The following PHKA1 variants were observed in gnomAD, a reference collection of about 807,000 sequenced individuals.
PHKA1 encodes the protein phosphorylase b kinase regulatory subunit alpha, skeletal muscle isoform.
Under a neutral mutation model 110.2 loss-of-function variants are expected in PHKA1, and 60 were observed. That is an observed-to-expected ratio of 0.54 (90% CI 0.44 to 0.68). The LOEUF is 0.68. PHKA1 is among the 30% of genes least tolerant of loss of function. PHKA1 has a pLI of 0.00. For synonymous variants in PHKA1, 316 were observed against 333.6 expected (o/e 0.95, Z 0.58); for missense variants, 801 against 942.5 (o/e 0.85, Z 1.97).
chrX:72,701,704 G>A (rs1310017124), intron 3 of PHKA1, among the ~76,000 whole-genome samples: 1 of 111,708 alleles, frequency 9.0e-6, no homozygotes, highest in Non-Finnish European at 1.9e-5. Context: ...GGGTGACAGA[G>A]CAAGACTCCA....
intron 5 of PHKA1, 127 bp downstream of exon 5, chrX:72,684,371 A>G (rs1556318061): frequency 1.2e-5 from 6 of 500,450 alleles, no homozygotes; most frequent in Non-Finnish European, 2.1e-5. Flanking sequence ...GCTAAAGACA[A>G]TTTCTGCCAG....
At chrX:72,713,346 A>G (rs1049196037) in intron 1 of PHKA1, among the ~76,000 whole-genome samples, 10 of 111,165 alleles carry the variant, frequency 9.0e-5, no homozygotes, top group African/African-American at 3.3e-4. Flanking sequence ...GCTGCTGTAC[A>G]TCAGATCCCC....
chrX:72,686,541 C>T (rs964031999), intron 4 of PHKA1, among the ~76,000 whole-genome samples: 1 of 111,926 alleles, frequency 8.9e-6, no homozygotes. Context: ...AAGGACATTT[C>T]GGTTGTATCA....
At chrX:72,618,164 A>C (rs1446621113) in intron 21 of PHKA1, among the ~76,000 whole-genome samples, 1 of 111,817 alleles carries the variant, frequency 8.9e-6, no homozygotes, top group Non-Finnish European at 1.9e-5. Context: ...AAGAAAGTCC[A>C]TCCTGCCTCT....
intron 4 of PHKA1, among the ~76,000 whole-genome samples, chrX:72,689,370 C>T (rs978960606): frequency 9.0e-6 from 1 of 111,578 alleles, no homozygotes; most frequent in Non-Finnish European, 1.9e-5. Context: ...TAATCTACTT[C>T]TTGTCTCTAT....
rs2052349213 is a variant in PHKA1, at chrX:72,582,326, T to C, written c.3498+72A>G. On this transcript the variant is annotated intron_variant, in intron 31 of 31. Coordinates refer to ENST00000373542, the MANE Select transcript of PHKA1 (RefSeq NM_002637.4). Reference sequence around the variant, plus strand: ...GGCACAAGAAAGTGACCGTGGCTCCTCAAAGACCTCTGAATGTCATCAGGT... The same window carrying C: ...GGCACAAGAAAGTGACCGTGGCTCCCCAAAGACCTCTGAATGTCATCAGGT... The C allele has an allele frequency of 1.5e-5, 12 of 787,229 alleles. No homozygotes were observed. The South Asian group carries it at 2.3e-4, about 15-fold the overall frequency. 64.9% of individuals were successfully genotyped at this position (787,229 alleles called of 1,213,427 possible). A position where few individuals can be genotyped will look rare whatever the true frequency, so the allele number is the denominator to read the frequency against.
rs1272228707 is a variant in PHKA1, at chrX:72,604,192, T to C, written c.2816-972A>G. 9.9e-5 allele frequency among the ~76,000 whole-genome samples: 11 copies of C among 111,003 alleles called. 1 individual carries two copies. The highest frequency in any genetic ancestry group is 6.5e-5 in the African/African-American group (2 of 30,615). On this transcript the variant is annotated intron_variant, in intron 25 of 31. Coordinates refer to ENST00000373542, the MANE Select transcript of PHKA1 (RefSeq NM_002637.4). ...CATTATACTATATAATGTTTATCTA[T>C]AACAATGTACTGAACTAGAAATCAT...
At chrX:72,713,697 CACA>C (rs2054419074) in intron 1 of PHKA1, 103 bp downstream of exon 1, 7 of 616,404 alleles carry the variant, frequency 1.1e-5, no homozygotes, top group African/African-American at 4.5e-5. Context: ...CACACACACA[CACA>C]CCCACACACG....
intron 14 of PHKA1, among the ~76,000 whole-genome samples, chrX:72,642,622 G>A (rs1556295989): frequency 1.8e-5 from 2 of 110,749 alleles, no homozygotes; most frequent in African/African-American, 6.6e-5. Flanking sequence ...CAGGAAGCAG[G>A]TTCTGGGAAG....
At chrX:72,605,242 C>G in intron 25 of PHKA1, 29 bp downstream of exon 25, 1 of 1,158,629 alleles carries the variant, frequency 8.6e-7, no homozygotes, top group South Asian at 1.8e-5. Flanking sequence ...AAAGTGAATT[C>G]CACCTAAAAT....
At chrX:72,713,444 G>A (rs2054413580) in intron 1 of PHKA1, among the ~76,000 whole-genome samples, 1 of 111,054 alleles carries the variant, frequency 9.0e-6, no homozygotes, top group East Asian at 2.8e-4. Flanking sequence ...AGCCTTTCGA[G>A]TCTGAAATGT....
At chrX:72,650,171 T>C (rs1250230696) in intron 13 of PHKA1, among the ~76,000 whole-genome samples, 1 of 111,531 alleles carries the variant, frequency 9.0e-6, no homozygotes, top group Admixed American at 9.5e-5. Flanking sequence ...GGGTGTCAAA[T>C]AATATTTTGG....
At position 72,695,702 on chromosome X, in the gene PHKA1, A is replaced by G. The variant is rs1483553260; in HGVS notation, c.454+6T>C. 4.1e-6 allele frequency: 5 copies of G among 1,207,221 alleles called. No homozygotes were observed. Among genetic ancestry groups the G allele is most frequent in the East Asian group, 3.0e-5 (1 of 33,746 alleles). On this transcript the variant is annotated splice_donor_region_variant and intron_variant, in intron 4 of 31. Coordinates refer to ENST00000373542, the MANE Select transcript of PHKA1 (RefSeq NM_002637.4). ...GGGCTCCCAGCACTTCTCTCCTTGT[A>G]CTGACCTGAGGCAGTCATTTGGGCT...
chrX:72,672,856 T>C (rs1479414913), intron 6 of PHKA1, among the ~76,000 whole-genome samples: 1 of 112,269 alleles, frequency 8.9e-6, no homozygotes, highest in African/African-American at 3.2e-5. Context: ...GCATCACCTC[T>C]GTGGTATTCT....
At chrX:72,595,790 G>A (rs782482418) in intron 28 of PHKA1, among the ~76,000 whole-genome samples, 2 of 111,656 alleles carry the variant, frequency 1.8e-5, no homozygotes, top group East Asian at 5.6e-4. Context: ...AACACCCAAA[G>A]ATAACAGGTA....
chrX:72,631,596 A>C (rs1556288158), intron 16 of PHKA1, among the ~76,000 whole-genome samples: 3 of 108,922 alleles, frequency 2.8e-5, no homozygotes, highest in Non-Finnish European at 5.7e-5. Context: ...CTTTAAAAAA[A>C]CCTGTTTTTC....
At chrX:72,677,040 G>C (rs1289384221) in intron 5 of PHKA1, among the ~76,000 whole-genome samples, 1 of 112,083 alleles carries the variant, frequency 8.9e-6, no homozygotes, top group Admixed American at 9.4e-5. Context: ...TGCTGCATTT[G>C]TCATGTTTCT....
At chrX:72,586,107 C>A (rs1731709391) in intron 29 of PHKA1, among the ~76,000 whole-genome samples, 1 of 112,567 alleles carries the variant, frequency 8.9e-6, no homozygotes, top group Non-Finnish European at 1.9e-5. Flanking sequence ...TGAGAAAGGA[C>A]AGACTGCCTC....
At chrX:72,607,951 A>G (rs1032126434) in intron 23 of PHKA1, among the ~76,000 whole-genome samples, 2 of 110,526 alleles carry the variant, frequency 1.8e-5, no homozygotes, top group African/African-American at 6.6e-5. Context: ...TTGGTGCTCT[A>G]CCCCACTGTG....
Sources: gnomAD v4.1 joint callset for allele counts (sites outside exome capture counted in the v4.1 genomes callset) on GRCh38, gnomAD v4.1.1 for gene constraint, MANE v1.5 for transcripts, NCBI Gene and HGNC (gene_info 2026-07-23, HGNC 2026-07-21) for gene names.